Variants in KCNT2 observed in about 807,000 individuals in gnomAD.
KCNT2 encodes potassium sodium-activated channel subfamily T member 2.
KCNT2 carries 67 observed loss-of-function variants against 153.8 expected under a neutral mutation model. That is an observed-to-expected ratio of 0.44 (90% confidence interval 0.36 to 0.53). KCNT2 has a LOEUF of 0.53. KCNT2 is among the 20% of genes least tolerant of loss of function. The pLI, the probability that KCNT2 is intolerant of heterozygous loss-of-function variation, is 0.00. For synonymous variants in KCNT2, 500 were observed against 458.8 expected, an observed-to-expected ratio of 1.09 and a Z score of -1.15; for missense variants, 975 against 1,354.8, an observed-to-expected ratio of 0.72 and a Z score of 4.40.
chr1:196,341,913 A>G lies in KCNT2; in HGVS notation c.1553+166T>C, dbSNP rs544821520. On this transcript the variant is annotated intron_variant, in intron 15 of 27. Coordinates refer to ENST00000294725, the MANE Select transcript of KCNT2 (RefSeq NM_198503.5). ...TACTCCTGACTGTCTTATAGAGACC[A>G]TACAGACACCAGGGTTCAAATGTTT... Among the ~76,000 whole-genome samples, 17 of 152,300 alleles carry G rather than the reference A, an allele frequency of 1.1e-4. No individual in the cohort carries two copies. In the South Asian group the frequency reaches 3.5e-3, roughly 32 times the overall value.
chr1:196,364,358 G>A (rs1558198105), intron 14 of KCNT2, among the ~76,000 whole-genome samples: 1 of 152,014 alleles, frequency 6.6e-6, no homozygotes. Context: ...TTATTTTTCA[G>A]GAAAGGTATT....
rs1358397451 is a variant in KCNT2, at chr1:196,576,777, GT to G, written c.95+31437del. ...CTTTCTATGTCACTAGGCAGTGTTG[GT>G]TTTGAAGTTCATTTTTAAAGACCAC... On this transcript the variant is annotated intron_variant, in intron 1 of 27. Transcript: ENST00000294725. 2.6e-5 allele frequency among the ~76,000 whole-genome samples: 4 copies of G among 152,110 alleles called. No homozygotes were observed. The East Asian group carries it at 7.7e-4, about 29-fold the overall frequency.
At chr1:196,381,923 A>G (rs1363926759) in intron 13 of KCNT2, among the ~76,000 whole-genome samples, 1 of 152,198 alleles carries the variant, frequency 6.6e-6, no homozygotes, top group Non-Finnish European at 1.5e-5. Flanking sequence ...TGATTCAAAA[A>G]TATTTTGGAA....
At chr1:196,455,747 G>T (rs1337950494) in intron 8 of KCNT2, among the ~76,000 whole-genome samples, 1 of 151,690 alleles carries the variant, frequency 6.6e-6, no homozygotes, top group Admixed American at 6.6e-5. Flanking sequence ...TTATCTGCTT[G>T]TTGAGCAAGT....
At chr1:196,497,383 TG>T (rs1680339077) in intron 1 of KCNT2, among the ~76,000 whole-genome samples, 1 of 152,174 alleles carries the variant, frequency 6.6e-6, no homozygotes, top group African/African-American at 2.4e-5. Context: ...GATACAGATC[TG>T]TTTTTCTTGT....
At chr1:196,434,478 A>G (rs1315473882) in intron 8 of KCNT2, among the ~76,000 whole-genome samples, 1 of 151,978 alleles carries the variant, frequency 6.6e-6, no homozygotes, top group Non-Finnish European at 1.5e-5. Flanking sequence ...TCCTTTTAAC[A>G]TAATGTACTC....
intron 1 of KCNT2, among the ~76,000 whole-genome samples, chr1:196,527,423 A>G (rs1366586105): frequency 6.6e-6 from 1 of 152,154 alleles, no homozygotes; most frequent in Non-Finnish European, 1.5e-5. Context: ...ATTACCTGAA[A>G]TATGTTCAAA....
At chr1:196,312,835 C>A (rs1263513222) in intron 21 of KCNT2, among the ~76,000 whole-genome samples, 2 of 151,646 alleles carry the variant, frequency 1.3e-5, no homozygotes. Flanking sequence ...AGATGGGGCC[C>A]AAAGCTTTAA....
intron 13 of KCNT2, among the ~76,000 whole-genome samples, chr1:196,394,540 A>G (rs6428338): frequency 1.3e-5 from 2 of 151,576 alleles, no homozygotes; most frequent in African/African-American, 4.8e-5. Context: ...ATTTTTAGAC[A>G]TCTTAATTTT....
intron 22 of KCNT2, among the ~76,000 whole-genome samples, chr1:196,297,135 GAT>G (rs1491438688): frequency 6.6e-6 from 1 of 151,172 alleles, no homozygotes; most frequent in Non-Finnish European, 1.5e-5. Flanking sequence ...TCTTTCTGTA[GAT>G]GTGTGTGTGT....
chr1:196,421,927 A>C (rs1673240711), intron 12 of KCNT2, among the ~76,000 whole-genome samples: 1 of 151,928 alleles, frequency 6.6e-6, no homozygotes, highest in Non-Finnish European at 1.5e-5. Context: ...CTGCCTCCAA[A>C]TTTTCTCTTT....
intron 25 of KCNT2, among the ~76,000 whole-genome samples, chr1:196,275,880 C>T (rs1035274910): frequency 8.6e-5 from 13 of 151,870 alleles, no homozygotes; most frequent in African/African-American, 2.4e-4. Context: ...CCACATTATG[C>T]CTTTACATCT....
At chr1:196,503,718 T>C (rs1680885887) in intron 1 of KCNT2, among the ~76,000 whole-genome samples, 1 of 152,176 alleles carries the variant, frequency 6.6e-6, no homozygotes, top group African/African-American at 2.4e-5. Flanking sequence ...ATGAGAGTTA[T>C]TTGTATGAAA....
chr1:196,345,015 T>C (rs1049642027), intron 14 of KCNT2, among the ~76,000 whole-genome samples: 1 of 152,174 alleles, frequency 6.6e-6, no homozygotes, highest in Non-Finnish European at 1.5e-5. Flanking sequence ...ATATTACATC[T>C]AATGCTGATG....
At chr1:196,442,673 A>G (rs1353469998) in intron 8 of KCNT2, among the ~76,000 whole-genome samples, 1 of 151,660 alleles carries the variant, frequency 6.6e-6, no homozygotes, top group African/African-American at 2.4e-5. Flanking sequence ...GGAGGTTAGC[A>G]TGATGGAGGC....
intron 26 of KCNT2, among the ~76,000 whole-genome samples, chr1:196,236,391 G>C (rs1654440513): frequency 6.6e-6 from 1 of 151,382 alleles, no homozygotes; most frequent in Non-Finnish European, 1.5e-5. Context: ...ATGTTTACTT[G>C]ATTATTATGC....
chr1:196,602,608 AT>A (rs762592134), intron 1 of KCNT2, among the ~76,000 whole-genome samples: 9 of 152,156 alleles, frequency 5.9e-5, no homozygotes, highest in Non-Finnish European at 1.0e-4. Context: ...GAAAAGTCAC[AT>A]TTCAATTTTA....
intron 14 of KCNT2, among the ~76,000 whole-genome samples, chr1:196,370,285 G>A (rs558519785): frequency 1.4e-4 from 21 of 152,062 alleles, no homozygotes; most frequent in South Asian, 8.3e-4. Flanking sequence ...TAAAGTGAGC[G>A]GGTCTGAAAA....
At chr1:196,371,675 G>C (rs797011576) in intron 14 of KCNT2, among the ~76,000 whole-genome samples, 2 of 152,056 alleles carry the variant, frequency 1.3e-5, no homozygotes, top group South Asian at 2.1e-4. Context: ...AAATTCATTA[G>C]AGTATGTTGG....
Sources: allele counts gnomAD v4.1 joint callset (sites outside exome capture counted in the v4.1 genomes callset), GRCh38; gene constraint gnomAD v4.1.1; transcripts MANE v1.5; gene names NCBI Gene and HGNC (gene_info 2026-07-23, HGNC 2026-07-21).